TBPL2: variants seen among roughly 807,000 people sequenced by gnomAD.
The protein encoded by TBPL2 is TATA box-binding protein-like 2.
TBPL2 carries 40 observed loss-of-function variants against 38.2 expected under a neutral mutation model. The ratio of observed to expected loss-of-function variants is 1.05; its 90% CI spans 0.81 to 1.36. The LOEUF is 1.36. Among genes scored for constraint, TBPL2 ranks in the 40% most tolerant of loss-of-function variants. The probability of loss-of-function intolerance (pLI) is 0.00; values close to 1 mark genes in which losing one functional copy is unlikely to be tolerated. For synonymous variants in TBPL2, 169 were observed against 171.7 expected (o/e 0.98, Z 0.12); for missense variants, 461 against 456.7 (o/e 1.01, Z -0.09).
At chr14:55,422,975 T>TA (rs1251866065) in intron 6 of TBPL2, among the ~76,000 whole-genome samples, 1 of 151,744 alleles carries the variant, frequency 6.6e-6, no homozygotes, top group Non-Finnish European at 1.5e-5. Flanking sequence ...AAAAATTATT[T>TA]AAAAAAAAGC....
intron 4 of TBPL2, 107 bp downstream of exon 4, chr14:55,433,523 A>G: frequency 9.7e-7 from 1 of 1,027,650 alleles, no homozygotes; most frequent in Non-Finnish European, 1.5e-6. Context: ...TTCAGCAAAG[A>G]AAGGCATTTT....
At chr14:55,434,275 T>A (rs1265607378) in intron 3 of TBPL2, among the ~76,000 whole-genome samples, 1 of 152,158 alleles carries the variant, frequency 6.6e-6, no homozygotes, top group Non-Finnish European at 1.5e-5. Flanking sequence ...GGTTCTTGCC[T>A]CTTATAGTTC....
chr14:55,436,027 T>C, intron 2 of TBPL2, 93 bp from the exon 3 acceptor site: 1 of 740,706 alleles, frequency 1.4e-6, no homozygotes, highest in African/African-American at 1.9e-5. Flanking sequence ...AGGTTATACC[T>C]TAGCAATTTC....
chr14:55,438,046 A>G (rs1431881709), intron 1 of TBPL2, among the ~76,000 whole-genome samples: 1 of 152,192 alleles, frequency 6.6e-6, no homozygotes, highest in Non-Finnish European at 1.5e-5. Context: ...TTATGGGAAA[A>G]AATCGATTAG....
At chr14:55,426,094 T>C (rs1375718761) in intron 5 of TBPL2, among the ~76,000 whole-genome samples, 1 of 151,840 alleles carries the variant, frequency 6.6e-6, no homozygotes. Context: ...TGGTAAAACC[T>C]CGTCTCTACT....
chr14:55,437,953 C>G (rs1017639909), intron 1 of TBPL2, among the ~76,000 whole-genome samples: 3 of 152,156 alleles, frequency 2.0e-5, no homozygotes, highest in Non-Finnish European at 4.4e-5. Context: ...CCAGGGAAGG[C>G]TGCTCAACTA....
At chr14:55,435,680 G>T (rs1236959614) in intron 3 of TBPL2, among the ~76,000 whole-genome samples, 167 bp downstream of exon 3, 1 of 152,124 alleles carries the variant, frequency 6.6e-6, no homozygotes, top group South Asian at 2.1e-4. Flanking sequence ...TAAAGAATGA[G>T]ATTATTTTTT....
At chr14:55,419,665 G>A (rs1415646136) in intron 6 of TBPL2, among the ~76,000 whole-genome samples, 2 of 152,158 alleles carry the variant, frequency 1.3e-5, no homozygotes, top group Non-Finnish European at 2.9e-5. Flanking sequence ...TAGACATGGT[G>A]GCTGTAGCTG....
At chr14:55,436,604 T>C (rs1186187666) in exon 2 of TBPL2, 2 of 1,614,206 alleles carry the variant, frequency 1.2e-6, no homozygotes, top group Admixed American at 1.7e-5. Flanking sequence ...ATAGGGGTCA[T>C]TGGTGTCATG....
chr14:55,425,033 C>G (rs928559287), intron 5 of TBPL2, among the ~76,000 whole-genome samples: 10 of 152,196 alleles, frequency 6.6e-5, no homozygotes, highest in African/African-American at 2.2e-4. Flanking sequence ...CAATGGAACA[C>G]TAGCATCTTT....
intron 6 of TBPL2, among the ~76,000 whole-genome samples, chr14:55,415,403 G>A (rs576516896): frequency 1.3e-5 from 2 of 152,290 alleles, no homozygotes; most frequent in East Asian, 1.9e-4. Context: ...CTAGTTCGGT[G>A]GTTAAGTTAA....
intron 6 of TBPL2, among the ~76,000 whole-genome samples, chr14:55,420,217 C>T (rs1440054138): frequency 3.3e-5 from 5 of 152,172 alleles, no homozygotes; most frequent in Admixed American, 1.3e-4. Context: ...ATTACAGGCA[C>T]GCACCACAAT....
Position 55,414,384 on chromosome 14 carries a change from CT to C in TBPL2, c.1122del (p.Ala375ProfsTer30). 6.2e-7 allele frequency: 1 copy of C among 1,601,532 alleles called. No homozygotes were observed. The highest frequency in any genetic ancestry group is 1.1e-5 in the South Asian group (1 of 87,322). On this transcript the variant is annotated frameshift_variant, in exon 7 of 7. Coordinates refer to ENST00000247219, the Ensembl canonical transcript of TBPL2. LOFTEE classifies it high-confidence loss of function. ...TGAGATGCTGAATGATATGCTCAGG[CT>C]TTTTTAAAACCTTTTAGAATAGGAT... is the stretch of plus-strand genomic sequence containing the variant.
intron 6 of TBPL2, among the ~76,000 whole-genome samples, chr14:55,422,460 A>G (rs1051863088): frequency 1.2e-4 from 18 of 152,060 alleles, no homozygotes; most frequent in Non-Finnish European, 2.5e-4. Context: ...CATGTTGGCC[A>G]GGCTCATCTT....
At chr14:55,428,667 A>G in intron 5 of TBPL2, 140 bp downstream of exon 5, 4 of 884,172 alleles carry the variant, frequency 4.5e-6, no homozygotes, top group South Asian at 1.8e-5. Flanking sequence ...CAGGCATAGC[A>G]TCTTAATCTT....
At chr14:55,440,473 G>T in exon 1 of TBPL2, 1 of 1,612,268 alleles carries the variant, frequency 6.2e-7, no homozygotes, top group Non-Finnish European at 8.5e-7. Context: ...ACTGTTGGGG[G>T]TGGGGGCGGG....
exon 1 of TBPL2, chr14:55,440,470 G>C (rs754680229): frequency 3.1e-6 from 5 of 1,611,866 alleles, no homozygotes; most frequent in East Asian, 4.5e-5. Context: ...CCCACTGTTG[G>C]GGGTGGGGGC....
chr14:55,439,678 C>T (rs551638891), intron 1 of TBPL2, among the ~76,000 whole-genome samples: 5 of 148,982 alleles, frequency 3.4e-5, no homozygotes, highest in Admixed American at 6.9e-5. Flanking sequence ...CGCCTGTAAT[C>T]CCAGCACTTT....
chr14:55,414,428 T>A (rs779072741), exon 7 of TBPL2: 17 of 1,608,286 alleles, frequency 1.1e-5, no homozygotes, highest in Non-Finnish European at 8.5e-7. Flanking sequence ...TTCAAATGCT[T>A]CATAGATCTC....
Sources: gnomAD v4.1 joint callset for allele counts (sites outside exome capture counted in the v4.1 genomes callset) on GRCh38, gnomAD v4.1.1 for gene constraint, MANE v1.5 for transcripts, NCBI Gene and HGNC (gene_info 2026-07-23, HGNC 2026-07-21) for gene names.